Variants in VTI1A observed in about 807,000 individuals in gnomAD.
VTI1A encodes the protein vesicle transport through interaction with t-SNAREs homolog 1A.
Under a neutral mutation model 34.9 loss-of-function variants are expected in VTI1A, and 22 were observed. That is an observed-to-expected ratio of 0.63 (90% CI 0.45 to 0.90). The LOEUF (loss-of-function observed/expected upper bound fraction) is 0.90, where lower values mean the gene tolerates loss of function less well. Ranked by LOEUF, VTI1A falls within the 40% of genes least tolerant of loss-of-function variation. VTI1A has a pLI of 0.00. For synonymous variants in VTI1A, 87 were observed against 97.3 expected (o/e 0.89, Z 0.62); for missense variants, 268 against 275.6 (o/e 0.97, Z 0.20).
chr10:112,834,772 G>A, the VTI1A span, among the ~76,000 whole-genome samples: 1 of 152,216 alleles, frequency 6.6e-6, no homozygotes, highest in African/African-American at 2.4e-5. Flanking sequence ...GGCGTTTGCT[G>A]AGTGCCAGGA....
intron 5 of VTI1A, among the ~76,000 whole-genome samples, chr10:112,633,949 A>T (rs1187812430): frequency 6.6e-6 from 1 of 152,182 alleles, no homozygotes; most frequent in Non-Finnish European, 1.5e-5. Flanking sequence ...CAGAATTATA[A>T]AACAATGGTT....
intron 7 of VTI1A, among the ~76,000 whole-genome samples, chr10:112,779,717 G>T (rs1852057413): frequency 6.6e-6 from 1 of 152,080 alleles, no homozygotes; most frequent in Non-Finnish European, 1.5e-5. Flanking sequence ...TCCTCATTTT[G>T]TATTTTCTTG....
chr10:112,588,059 A>C (rs891248163), intron 5 of VTI1A, among the ~76,000 whole-genome samples: 12 of 152,190 alleles, frequency 7.9e-5, no homozygotes, highest in Non-Finnish European at 1.3e-4. Context: ...AGATGGCAAA[A>C]TGTGTAAAGA....
intron 5 of VTI1A, among the ~76,000 whole-genome samples, chr10:112,563,654 C>T (rs975859650): frequency 6.6e-6 from 1 of 152,152 alleles, no homozygotes; most frequent in Non-Finnish European, 1.5e-5. Flanking sequence ...TGAAGGCCAA[C>T]AATGAAAGAC....
chr10:112,815,137 G>GCACACACACACACACACACACA (rs553734279), intron 7 of VTI1A, among the ~76,000 whole-genome samples, 153 bp from the exon 8 acceptor site: 1 of 77,476 alleles, frequency 1.3e-5, no homozygotes, highest in African/African-American at 4.3e-5. Flanking sequence ...TCTTTCGCGC[G>GCACACACACACACACACACACA]CGCACACACA....
chr10:112,828,664 C>G, the VTI1A span, among the ~76,000 whole-genome samples: 8 of 151,826 alleles, frequency 5.3e-5, no homozygotes, highest in Non-Finnish European at 1.2e-4. Flanking sequence ...CTCAGCCTCC[C>G]AGAGTTCTGG....
chr10:112,841,799 T>G, the VTI1A span, among the ~76,000 whole-genome samples: 2,476 of 152,166 alleles, frequency 0.016, 64 homozygotes, highest in African/African-American at 0.056. Context: ...CTGAGTAGGG[T>G]GTAGTTTCCA....
chr10:112,752,073 C>T (rs966696075), intron 7 of VTI1A, among the ~76,000 whole-genome samples: 1 of 152,212 alleles, frequency 6.6e-6, no homozygotes, highest in African/African-American at 2.4e-5. Flanking sequence ...GAAGTCAGGT[C>T]TGTCTTCTCA....
At chr10:112,512,600 T>C (rs1849649741) in intron 3 of VTI1A, among the ~76,000 whole-genome samples, 1 of 152,188 alleles carries the variant, frequency 6.6e-6, no homozygotes, top group Non-Finnish European at 1.5e-5. Context: ...TTTTGAGATC[T>C]TGTCATACAT....
intron 7 of VTI1A, among the ~76,000 whole-genome samples, chr10:112,669,864 C>T (rs1357174013): frequency 6.6e-6 from 1 of 152,092 alleles, no homozygotes; most frequent in Non-Finnish European, 1.5e-5. Context: ...GTATGTTTGC[C>T]GTGTTACAGA....
At chr10:112,458,747 A>G (rs1847631672) in intron 1 of VTI1A, among the ~76,000 whole-genome samples, 1 of 151,306 alleles carries the variant, frequency 6.6e-6, no homozygotes, top group Admixed American at 6.6e-5. Context: ...GCTCACTGCA[A>G]CCTCTACCTC....
intron 5 of VTI1A, among the ~76,000 whole-genome samples, chr10:112,643,474 TTA>T (rs1281892769): frequency 6.6e-5 from 10 of 152,186 alleles, no homozygotes; most frequent in Admixed American, 6.5e-4. Flanking sequence ...AGCAAGGTGA[TTA>T]TTACTCTTGA....
At chr10:112,833,710 C>T in the VTI1A span, among the ~76,000 whole-genome samples, 1 of 152,128 alleles carries the variant, frequency 6.6e-6, no homozygotes, top group Admixed American at 6.5e-5. Flanking sequence ...GGGCAGGAAT[C>T]ATGTCTGGGG....
intron 5 of VTI1A, among the ~76,000 whole-genome samples, chr10:112,627,790 A>G (rs965482217): frequency 1.3e-5 from 2 of 152,196 alleles, no homozygotes; most frequent in Non-Finnish European, 2.9e-5. Context: ...CATTAACTCA[A>G]CATTATAATA....
At chr10:112,669,185 A>T (rs1459977337) in intron 7 of VTI1A, among the ~76,000 whole-genome samples, 187 bp downstream of exon 7, 2 of 152,202 alleles carry the variant, frequency 1.3e-5, no homozygotes, top group African/African-American at 2.4e-5. Context: ...ATACTAACAC[A>T]GATTAGAGAG....
chr10:112,456,327 C>G (rs780194183), intron 1 of VTI1A, among the ~76,000 whole-genome samples: 43 of 149,230 alleles, frequency 2.9e-4, no homozygotes, highest in Non-Finnish European at 4.6e-4. Context: ...GAGGCTGCAG[C>G]AGGAGAACCA....
chr10:112,693,977 G>A (rs1219673411), intron 7 of VTI1A, among the ~76,000 whole-genome samples: 1 of 152,176 alleles, frequency 6.6e-6, no homozygotes, highest in East Asian at 1.9e-4. Flanking sequence ...GGAAGGCCAA[G>A]GTGGGCGGAT....
chr10:112,474,867 T>C (rs969611407), intron 3 of VTI1A, among the ~76,000 whole-genome samples: 1 of 152,218 alleles, frequency 6.6e-6, no homozygotes, highest in Non-Finnish European at 1.5e-5. Flanking sequence ...TTCTTATTCC[T>C]GGCCTTGACC....
intron 7 of VTI1A, among the ~76,000 whole-genome samples, chr10:112,715,253 C>T (rs913715677): frequency 6.6e-6 from 1 of 151,914 alleles, no homozygotes; most frequent in Non-Finnish European, 1.5e-5. Flanking sequence ...AATCTTCCAG[C>T]AAAAAGGAGG....
Sources: gnomAD v4.1 joint callset for allele counts (sites outside exome capture counted in the v4.1 genomes callset) on GRCh38, gnomAD v4.1.1 for gene constraint, MANE v1.5 for transcripts, NCBI Gene and HGNC (gene_info 2026-07-23, HGNC 2026-07-21) for gene names.